The following DSE variants were observed in gnomAD, a reference collection of about 807,000 sequenced individuals.
DSE encodes the protein dermatan sulfate epimerase, also known as dermatan-sulfate epimerase.
Under a neutral mutation model 84.4 loss-of-function variants are expected in DSE, and 36 were observed. The ratio of observed to expected loss-of-function variants is 0.43; its 90% CI spans 0.33 to 0.56. The LOEUF (loss-of-function observed/expected upper bound fraction) is 0.56. Ranked by LOEUF, DSE falls within the 20% of genes least tolerant of loss-of-function variation. The pLI is 0.06. For synonymous variants in DSE, 410 were observed against 430.1 expected, an observed-to-expected ratio of 0.95 and a Z score of 0.58; for missense variants, 862 against 1,169.6, an observed-to-expected ratio of 0.74 and a Z score of 3.84.
intron 2 of DSE, among the ~76,000 whole-genome samples, chr6:116,349,208 T>TAC (rs894870129): frequency 1.3e-5 from 2 of 152,036 alleles, no homozygotes; most frequent in African/African-American, 2.4e-5. Flanking sequence ...TACATATATC[T>TAC]ACACACACAC....
rs977498212 is a variant in DSE, at chr6:116,375,543, A to C, written c.-54+4422A>C. The C allele has an allele frequency of 4.1e-6, 4 of 985,120 alleles. No individual in the cohort carries two copies. In the African/African-American group the frequency reaches 7.0e-5, roughly 17 times the overall value. The allele number at this position is 985,120 out of a possible 1,614,324, so 61.0% of individuals were successfully genotyped here. A position where few individuals can be genotyped will look rare whatever the true frequency, so the allele number is the denominator to read the frequency against. On this transcript the variant is annotated intron_variant, in intron 1 of 5. Transcript: ENST00000644252. Reference sequence around the variant, plus strand: ...GTGTATGGTAAATAAATGTATCCCAAATTTCTATCATCTCACTTTAGTGTT... The same window carrying C: ...GTGTATGGTAAATAAATGTATCCCACATTTCTATCATCTCACTTTAGTGTT...
intron 2 of DSE, among the ~76,000 whole-genome samples, chr6:116,415,146 G>C (rs1051067723): frequency 6.6e-6 from 1 of 152,112 alleles, no homozygotes; most frequent in Non-Finnish European, 1.5e-5. Flanking sequence ...ATTTATGAGA[G>C]GTAAATTTTG....
At chr6:116,385,464 T>C (rs1417656771) in intron 1 of DSE, among the ~76,000 whole-genome samples, 1 of 150,990 alleles carries the variant, frequency 6.6e-6, no homozygotes, top group East Asian at 2.0e-4. Flanking sequence ...TGGACGGATT[T>C]GGAGTAGAGC....
chr6:116,420,283 T>C (rs757244996), intron 2 of DSE, among the ~76,000 whole-genome samples: 1 of 152,202 alleles, frequency 6.6e-6, no homozygotes, highest in Non-Finnish European at 1.5e-5. Context: ...AAAATTTATA[T>C]TGAAGCCCTA....
At chr6:116,377,213 C>A (rs1303987951) in intron 1 of DSE, among the ~76,000 whole-genome samples, 2 of 152,276 alleles carry the variant, frequency 1.3e-5, no homozygotes, top group African/African-American at 4.8e-5. Context: ...ATAACAATAA[C>A]AAACTTAGCT....
chr6:116,373,846 ATTT>A (rs1055656728), intron 1 of DSE, among the ~76,000 whole-genome samples: 3 of 152,210 alleles, frequency 2.0e-5, no homozygotes, highest in Non-Finnish European at 2.9e-5. Context: ...GTGATACAAT[ATTT>A]TGGTATTTAT....
chr6:116,413,108 C>T (rs114155333), intron 2 of DSE, among the ~76,000 whole-genome samples: 3,041 of 152,136 alleles, frequency 0.02, 37 homozygotes, highest in African/African-American at 0.038. Flanking sequence ...TGATGGGCAC[C>T]TAGGTTGATT....
At chr6:116,321,967 C>T (rs535534081) in intron 2 of DSE, among the ~76,000 whole-genome samples, 1 of 152,088 alleles carries the variant, frequency 6.6e-6, no homozygotes, top group South Asian at 2.1e-4. Flanking sequence ...CCTCAGACAC[C>T]GAGTTAAAGA....
Position 116,274,800 on chromosome 6 carries a change from T to C in DSE, c.-54+15833T>C, listed in dbSNP as rs542146444. Among the ~76,000 whole-genome samples, 3 of 152,276 alleles carry C rather than the reference T, an allele frequency of 2.0e-5. No individual in the cohort carries two copies. The South Asian group carries it at 6.2e-4, about 32-fold the overall frequency. On this transcript the variant is annotated intron_variant, in intron 2 of 3. Transcript: ENST00000430252. Reference sequence around the variant, plus strand: ...ATTTTACTCACCTTCTTTTTACCCATTGGCCTTGAATTTAAGCAAGATAAC... The same window carrying C: ...ATTTTACTCACCTTCTTTTTACCCACTGGCCTTGAATTTAAGCAAGATAAC...
At chr6:116,354,127 G>T (rs578017773) in intron 2 of DSE, among the ~76,000 whole-genome samples, 2 of 152,230 alleles carry the variant, frequency 1.3e-5, no homozygotes, top group African/African-American at 4.8e-5. Context: ...AAGAAAAAAA[G>T]AATAATATTA....
chr6:116,292,964 G>T (rs1562208798), intron 2 of DSE, among the ~76,000 whole-genome samples: 1 of 152,164 alleles, frequency 6.6e-6, no homozygotes. Context: ...TGATCTCTGG[G>T]GGATGAGGAT....
At chr6:116,430,699 A>T (rs777197517) in intron 3 of DSE, among the ~76,000 whole-genome samples, 9 of 151,956 alleles carry the variant, frequency 5.9e-5, no homozygotes, top group Non-Finnish European at 1.3e-4. Flanking sequence ...CTGCCACCAC[A>T]CCCGGCTAAT....
upstream of DSE, chr6:116,369,932 G>T: frequency 7.8e-7 from 1 of 1,289,366 alleles, no homozygotes; most frequent in Non-Finnish European, 1.0e-6. Flanking sequence ...GAATGGGTAA[G>T]TATCCTACAA....
intron 1 of DSE, chr6:116,255,787 TGAATGAAA>T (rs2114583587): frequency 6.6e-6 from 1 of 152,374 alleles, no homozygotes; most frequent in East Asian, 1.9e-4. Context: ...CAGGGAATAC[TGAATGAAA>T]GTTACTTTTC....
intron 2 of DSE, among the ~76,000 whole-genome samples, chr6:116,290,434 A>G (rs547202262): frequency 6.6e-6 from 1 of 152,148 alleles, no homozygotes; most frequent in Non-Finnish European, 1.5e-5. Flanking sequence ...CCTCAGGGGA[A>G]GCATTTACTA....
chr6:116,436,192 G>A lies in DSE; in HGVS notation c.1724G>A (p.Gly575Glu). The change falls in exon 6 of 6, where the codon GGA becomes GAA. Residue 575 changes from glycine to glutamate, a missense_variant. Transcript: ENST00000644252. ...LLLLVDQIHL[G>E]EESPLETAAS... ...CTCCTTGTAGACCAAATACACCTGG[G>A]AGAGGAGAGTCCCTTGGAGACAGCA... 1 of 1,613,770 alleles carries A rather than the reference G, an allele frequency of 6.2e-7. No homozygotes were observed. Among genetic ancestry groups the A allele is most frequent in the Non-Finnish European group, 8.5e-7 (1 of 1,180,022 alleles).
intron 1 of DSE, among the ~76,000 whole-genome samples, chr6:116,393,710 C>A (rs554096289): frequency 1.3e-5 from 2 of 152,298 alleles, no homozygotes; most frequent in South Asian, 4.1e-4. Flanking sequence ...TACTGTTAAT[C>A]ATTATGTTGT....
At chr6:116,364,195 ATT>A (rs1200940711) in intron 2 of DSE, among the ~76,000 whole-genome samples, 1 of 152,072 alleles carries the variant, frequency 6.6e-6, no homozygotes, top group African/African-American at 2.4e-5. Flanking sequence ...TTGGGTTTTT[ATT>A]TTGTTATTTT....
rs566747313 is a variant in DSE at position 116,443,340 on chromosome 6, C to T, written c.*5995C>T. The T allele has an allele frequency of 6.6e-6, 1 of 152,310 alleles. No individual in the cohort carries two copies. 9.4% of individuals were successfully genotyped at this position (152,310 alleles called of 1,614,324 possible). A position where few individuals can be genotyped will look rare whatever the true frequency, so the allele number is the denominator to read the frequency against. On this transcript the variant is annotated 3_prime_UTR_variant, in exon 6 of 6. Coordinates refer to ENST00000644252, the MANE Select transcript of DSE (RefSeq NM_013352.4). The stretch of plus-strand genomic sequence containing the variant: ...TGGTTGCCTGCCATGGCTCTGCTGC[C>T]GTCACCCTGGCTATCCCTTAATAAG...
Sources: allele counts gnomAD v4.1 joint callset (sites outside exome capture counted in the v4.1 genomes callset), GRCh38; gene constraint gnomAD v4.1.1; transcripts MANE v1.5; gene names NCBI Gene and HGNC (gene_info 2026-07-23, HGNC 2026-07-21).